Variants in KCNIP4 observed in about 807,000 individuals in gnomAD.
KCNIP4 encodes Kv channel-interacting protein 4.
A neutral mutation model predicts 34.0 loss-of-function variants in KCNIP4; 12 were observed. The observed-to-expected ratio is 0.35, with a 90% CI of 0.23 to 0.57. The LOEUF (loss-of-function observed/expected upper bound fraction) is 0.57, where lower values mean the gene tolerates loss of function less well. Among genes scored for constraint, KCNIP4 ranks in the 20% least tolerant of loss-of-function variants. KCNIP4 has a pLI of 0.83. For synonymous variants in KCNIP4, 124 were observed against 102.2 expected (o/e 1.21, Z -1.29); for missense variants, 238 against 311.7 (o/e 0.76, Z 1.78).
chr4:21,290,805 G>A (rs370437930), intron 1 of KCNIP4, among the ~76,000 whole-genome samples: 1 of 152,138 alleles, frequency 6.6e-6, no homozygotes, highest in Non-Finnish European at 1.5e-5. Context: ...CCTTTTCAAG[G>A]TCAGGAAGGG....
chr4:21,794,403 A>C (rs965374936), intron 1 of KCNIP4, among the ~76,000 whole-genome samples: 1 of 152,216 alleles, frequency 6.6e-6, no homozygotes, highest in Non-Finnish European at 1.5e-5. Context: ...GTACATTTTC[A>C]ATCAATTGTT....
chr4:21,397,547 T>C (rs973591185), intron 1 of KCNIP4, among the ~76,000 whole-genome samples: 1 of 152,206 alleles, frequency 6.6e-6, no homozygotes, highest in African/African-American at 2.4e-5. Context: ...GAACTTAAAA[T>C]TTTTTAAAAA....
intron 1 of KCNIP4, among the ~76,000 whole-genome samples, chr4:21,740,710 C>T (rs1043376111): frequency 6.6e-6 from 1 of 152,026 alleles, no homozygotes; most frequent in Non-Finnish European, 1.5e-5. Flanking sequence ...TTAATTCCAC[C>T]ATTTATCTTG....
chr4:20,911,033 C>T (rs73242559), intron 1 of KCNIP4, among the ~76,000 whole-genome samples: 7,234 of 152,190 alleles, frequency 0.048, 201 homozygotes, highest in Middle Eastern at 0.1. Context: ...AAAAAATAGA[C>T]TCCAGTGGAA....
rs112594290 is a variant in KCNIP4, at chr4:21,061,131, A to T, written c.62-178422T>A. ...TGTTGCAAGTACAGTAGATGAATGA[A>T]GAGAAACTGCTTAACCCCCATTCTC... is the stretch of plus-strand genomic sequence containing the variant. On this transcript the variant is annotated intron_variant, in intron 1 of 8. Transcript: ENST00000382152. Among the ~76,000 whole-genome samples, 394 of 152,284 alleles carry T rather than the reference A, an allele frequency of 2.6e-3. 6 individuals carry two copies. The highest frequency in any genetic ancestry group is 8.8e-3 in the African/African-American group (364 of 41,576).
At chr4:20,811,269 C>T (rs895235333) in intron 3 of KCNIP4, among the ~76,000 whole-genome samples, 16 of 152,098 alleles carry the variant, frequency 1.1e-4, no homozygotes, top group African/African-American at 2.9e-4. Context: ...GAAATTCATG[C>T]TATTTGAACT....
At chr4:21,772,925 A>G (rs919076121) in intron 1 of KCNIP4, among the ~76,000 whole-genome samples, 4 of 151,810 alleles carry the variant, frequency 2.6e-5, no homozygotes, top group African/African-American at 9.7e-5. Flanking sequence ...TCATTCAGTT[A>G]TGCTCTGATC....
intron 1 of KCNIP4, among the ~76,000 whole-genome samples, chr4:20,991,380 C>T (rs886161159): frequency 3.3e-5 from 5 of 150,884 alleles, no homozygotes; most frequent in African/African-American, 9.8e-5. Flanking sequence ...GGAAGGAGCT[C>T]GGGATAGAGG....
intron 1 of KCNIP4, among the ~76,000 whole-genome samples, chr4:21,538,011 CAAAAAAAAAAAAAA>C (rs71191517): frequency 2.0e-5 from 1 of 51,240 alleles, no homozygotes; most frequent in Admixed American, 2.6e-4. Flanking sequence ...GATTCCGTCT[CAAAAAAAAAAAAAA>C]AAAAAAAAAA....
At chr4:20,740,371 A>C (rs1262013997) in intron 5 of KCNIP4, among the ~76,000 whole-genome samples, 2 of 152,236 alleles carry the variant, frequency 1.3e-5, no homozygotes, top group African/African-American at 4.8e-5. Context: ...TCAGACTAAC[A>C]GCGGAACTCT....
rs75976727 is a variant in KCNIP4, at chr4:21,660,004, T to C, written c.61+288567A>G. Among the ~76,000 whole-genome samples the C allele has an allele frequency of 1.5e-4, 23 of 152,286 alleles. No individual in the cohort carries two copies. The East Asian group carries it at 4.4e-3, about 29-fold the overall frequency. On this transcript the variant is annotated intron_variant, in intron 1 of 8. Transcript: ENST00000382152. ...ACCATTTGTTTACCATGTCTTTCCTTTCCTAACACTAAAAGTTTTCTCAGG... is the reference window on the plus strand; with the variant it reads ...ACCATTTGTTTACCATGTCTTTCCTCTCCTAACACTAAAAGTTTTCTCAGG...
intron 1 of KCNIP4, among the ~76,000 whole-genome samples, chr4:21,465,938 A>G (rs529113130): frequency 1.3e-5 from 2 of 152,170 alleles, no homozygotes; most frequent in Non-Finnish European, 2.9e-5. Flanking sequence ...TCTTCCCTGG[A>G]GCAAGAACAC....
At chr4:21,863,541 T>C (rs1725232390) in intron 1 of KCNIP4, among the ~76,000 whole-genome samples, 1 of 152,262 alleles carries the variant, frequency 6.6e-6, no homozygotes, top group Middle Eastern at 3.4e-3. Flanking sequence ...GTATTGCTTC[T>C]CTTTTCTGAG....
intron 1 of KCNIP4, among the ~76,000 whole-genome samples, chr4:21,046,965 A>G (rs990782180): frequency 6.6e-6 from 1 of 152,190 alleles, no homozygotes; most frequent in Non-Finnish European, 1.5e-5. Context: ...TGCTCACACT[A>G]TACAGAATGA....
At chr4:20,812,509 A>T (rs1302907634) in intron 3 of KCNIP4, among the ~76,000 whole-genome samples, 1 of 152,178 alleles carries the variant, frequency 6.6e-6, no homozygotes, top group African/African-American at 2.4e-5. Flanking sequence ...CCAAGGGAAG[A>T]GTCCAAGCTT....
At chr4:21,837,163 C>T (rs559868946) in intron 1 of KCNIP4, among the ~76,000 whole-genome samples, 5 of 72,968 alleles carry the variant, frequency 6.9e-5, no homozygotes, top group Admixed American at 6.6e-4. Flanking sequence ...GTGATCTGCC[C>T]GCCTCAGCCT....
intron 1 of KCNIP4, among the ~76,000 whole-genome samples, chr4:20,959,600 C>A (rs989767356): frequency 6.6e-6 from 1 of 152,300 alleles, no homozygotes; most frequent in South Asian, 2.1e-4. Flanking sequence ...GACACACTCA[C>A]TCTCTCTCTG....
intron 3 of KCNIP4, among the ~76,000 whole-genome samples, chr4:20,836,236 A>T (rs1211672061): frequency 6.6e-6 from 1 of 152,150 alleles, no homozygotes; most frequent in Non-Finnish European, 1.5e-5. Context: ...AATCATGGTG[A>T]TTTGGTCACA....
chr4:21,183,004 C>T (rs911212038), intron 1 of KCNIP4, among the ~76,000 whole-genome samples: 4 of 152,084 alleles, frequency 2.6e-5, no homozygotes, highest in African/African-American at 9.7e-5. Flanking sequence ...TACATCTAAC[C>T]CACCACCACT....
Sources: gnomAD v4.1 joint callset for allele counts (sites outside exome capture counted in the v4.1 genomes callset) on GRCh38, gnomAD v4.1.1 for gene constraint, MANE v1.5 for transcripts, NCBI Gene and HGNC (gene_info 2026-07-23, HGNC 2026-07-21) for gene names.